The following CDH13 variants were observed in gnomAD, a reference collection of about 807,000 sequenced individuals.
CDH13 encodes cadherin 13.
CDH13 carries 24 observed loss-of-function variants against 63.8 expected under a neutral mutation model. The observed-to-expected ratio is 0.38, with a 90% CI of 0.27 to 0.53. CDH13 has a LOEUF of 0.53. Among genes scored for constraint, CDH13 ranks in the 20% least tolerant of loss-of-function variants. The probability of loss-of-function intolerance (pLI) is 0.85; values close to 1 mark genes in which losing one functional copy is unlikely to be tolerated. For missense variants in CDH13, 1,049 were observed against 903.1 expected (o/e 1.16, Z -2.07); for synonymous variants, 503 against 355.3 (o/e 1.42, Z -4.67).
intron 2 of CDH13, among the ~76,000 whole-genome samples, chr16:82,969,806 G>C (rs530572639): frequency 6.6e-6 from 1 of 152,200 alleles, no homozygotes; most frequent in East Asian, 1.9e-4. Flanking sequence ...TGAAGGAATG[G>C]ACTGCCACAG....
At chr16:83,165,519 G>A (rs1229385626) in intron 4 of CDH13, among the ~76,000 whole-genome samples, 3 of 152,126 alleles carry the variant, frequency 2.0e-5, no homozygotes, top group Non-Finnish European at 2.9e-5. Context: ...AGGGTGCTAA[G>A]TTCTGTGCTG....
chr16:83,614,919 C>G (rs1431189744), intron 8 of CDH13, among the ~76,000 whole-genome samples: 1 of 152,172 alleles, frequency 6.6e-6, no homozygotes, highest in African/African-American at 2.4e-5. Context: ...TTTGAAGTGT[C>G]TCCTACTTGA....
At position 83,735,069 on chromosome 16, in the gene CDH13, A is replaced by G. The variant is rs1911414513; in HGVS notation, c.1539-13039A>G. Reference sequence around the variant, plus strand: ...TCACTTTATTTTGGAGAAAAAAATGATGAATAGAAGTTTGTTTATAAGTTT... The same window carrying G: ...TCACTTTATTTTGGAGAAAAAAATGGTGAATAGAAGTTTGTTTATAAGTTT... On this transcript the variant is annotated intron_variant, in intron 10 of 13. Coordinates refer to ENST00000567109, the MANE Select transcript of CDH13 (RefSeq NM_001257.5). 2.0e-5 allele frequency among the ~76,000 whole-genome samples: 3 copies of G among 152,004 alleles called. No individual in the cohort carries two copies. In the South Asian group the frequency reaches 6.2e-4, roughly 32 times the overall value.
chr16:83,777,519 G>T (rs1024047855), intron 11 of CDH13, among the ~76,000 whole-genome samples: 1 of 152,250 alleles, frequency 6.6e-6, no homozygotes, highest in Non-Finnish European at 1.5e-5. Context: ...TCAGGACACA[G>T]CTGCTGCTGT....
intron 7 of CDH13, among the ~76,000 whole-genome samples, chr16:83,496,225 A>G (rs1299824684): frequency 4.6e-5 from 7 of 151,176 alleles, no homozygotes; most frequent in African/African-American, 1.7e-4. Flanking sequence ...CAAAAGAACA[A>G]AGCTGGAGGC....
At chr16:83,080,887 T>TTTTTTG (rs2033200564) in intron 3 of CDH13, among the ~76,000 whole-genome samples, 3 of 118,788 alleles carry the variant, frequency 2.5e-5, no homozygotes, top group South Asian at 3.0e-4. Context: ...TTTTTTTTTT[T>TTTTTTG]TTTTTTTTTT....
intron 7 of CDH13, among the ~76,000 whole-genome samples, chr16:83,574,965 C>T (rs140251990): frequency 2.6e-5 from 4 of 152,172 alleles, no homozygotes; most frequent in African/African-American, 7.2e-5. Flanking sequence ...AGCAACATTA[C>T]GATAATAGCT....
chr16:83,542,847 G>A (rs568942694), intron 7 of CDH13, among the ~76,000 whole-genome samples: 15 of 152,302 alleles, frequency 9.8e-5, no homozygotes, highest in East Asian at 3.9e-4. Context: ...CTTAGGGCCC[G>A]TGCTCATGAC....
intron 6 of CDH13, among the ~76,000 whole-genome samples, chr16:83,365,531 T>A (rs1009714604): frequency 6.6e-6 from 1 of 152,120 alleles, no homozygotes; most frequent in Non-Finnish European, 1.5e-5. Context: ...GGCCCCATGA[T>A]CTCCACCTCC....
chr16:83,545,935 A>T (rs2075378899), intron 7 of CDH13, among the ~76,000 whole-genome samples: 1 of 152,184 alleles, frequency 6.6e-6, no homozygotes, highest in South Asian at 2.1e-4. Context: ...TGTTCTAAGC[A>T]TTGGGGTGTG....
chr16:82,782,483 C>T (rs2035802205), intron 1 of CDH13, among the ~76,000 whole-genome samples: 1 of 150,492 alleles, frequency 6.6e-6, no homozygotes, highest in African/African-American at 2.4e-5. Context: ...ACTCGGGAGG[C>T]GGAGGTTGCA....
intron 1 of CDH13, among the ~76,000 whole-genome samples, chr16:82,834,000 A>T (rs992630334): frequency 1.3e-5 from 2 of 152,224 alleles, no homozygotes; most frequent in Non-Finnish European, 2.9e-5. Context: ...CAGGTTAGTC[A>T]CTGGCCCATG....
chr16:83,362,833 G>A (rs1014888146), intron 6 of CDH13, among the ~76,000 whole-genome samples: 2 of 152,202 alleles, frequency 1.3e-5, no homozygotes, highest in African/African-American at 4.8e-5. Context: ...AGCCAAGGCT[G>A]TGCATATAAA....
intron 8 of CDH13, among the ~76,000 whole-genome samples, chr16:83,656,325 G>A (rs924958301): frequency 6.6e-6 from 1 of 152,178 alleles, no homozygotes; most frequent in Non-Finnish European, 1.5e-5. Flanking sequence ...GGGGAAAGAT[G>A]AGATTTGTTT....
At chr16:83,794,515 T>C (rs969457777) in intron 13 of CDH13, among the ~76,000 whole-genome samples, 1 of 152,186 alleles carries the variant, frequency 6.6e-6, no homozygotes, top group Non-Finnish European at 1.5e-5. Context: ...ATTGTACCAC[T>C]ACACTCCAGC....
intron 3 of CDH13, among the ~76,000 whole-genome samples, chr16:83,114,389 C>G (rs1260380269): frequency 2.0e-5 from 3 of 152,128 alleles, no homozygotes; most frequent in Non-Finnish European, 4.4e-5. Context: ...GCACCCATTT[C>G]TCCCGTATGG....
In CDH13 at chr16:83,466,640, C is replaced by T. The variant is rs191438354; in HGVS notation, c.782-19837C>T. On this transcript the variant is annotated intron_variant, in intron 6 of 13. Transcript: ENST00000567109. The stretch of plus-strand genomic sequence containing the variant: ...ACAGCTCATGTCCCATGGAATGAAA[C>T]GGAGTGGGGGGCTCAGATGTTTATC... Among the ~76,000 whole-genome samples, 132 of 152,286 alleles carry T rather than the reference C, an allele frequency of 8.7e-4. 1 individual carries two copies. The Middle Eastern group carries it at 0.01, about 12-fold the overall frequency.
chr16:83,513,837 A>T (rs895455074), intron 7 of CDH13, among the ~76,000 whole-genome samples: 6 of 152,234 alleles, frequency 3.9e-5, no homozygotes, highest in Non-Finnish European at 8.8e-5. Context: ...CCACCATAAT[A>T]GGCCGCAGAT....
intron 1 of CDH13, among the ~76,000 whole-genome samples, chr16:82,703,243 T>G (rs1411923107): frequency 6.6e-6 from 1 of 152,030 alleles, no homozygotes; most frequent in Non-Finnish European, 1.5e-5. Flanking sequence ...TGTTATAAGG[T>G]GTATGTAACA....
Sources: gnomAD v4.1 joint callset for allele counts (sites outside exome capture counted in the v4.1 genomes callset) on GRCh38, gnomAD v4.1.1 for gene constraint, MANE v1.5 for transcripts, NCBI Gene and HGNC (gene_info 2026-07-23, HGNC 2026-07-21) for gene names.